AP3D1: variants seen among roughly 807,000 people sequenced by gnomAD.
The protein encoded by AP3D1 is AP-3 complex subunit delta-1.
A neutral mutation model predicts 147.6 loss-of-function variants in AP3D1; 51 were observed. The observed-to-expected ratio is 0.35, with a 90% CI of 0.28 to 0.44. The LOEUF (loss-of-function observed/expected upper bound fraction) is 0.44. Among genes scored for constraint, AP3D1 ranks in the 20% least tolerant of loss-of-function variants. AP3D1 has a pLI of 1.00. For synonymous variants in AP3D1, 760 were observed against 663.0 expected, an observed-to-expected ratio of 1.15 and a Z score of -2.25; for missense variants, 1,421 against 1,624.2, an observed-to-expected ratio of 0.87 and a Z score of 2.15.
chr19:2,131,364 C>A (rs2007874), intron 5 of AP3D1, among the ~76,000 whole-genome samples: 3 of 134,526 alleles, frequency 2.2e-5, no homozygotes, highest in Admixed American at 1.5e-4. Context: ...CCATCGGCCA[C>A]GATCTAGACA....
chr19:2,151,117 C>A, intron 1 of AP3D1, 122 bp downstream of exon 1: 3 of 906,470 alleles, frequency 3.3e-6, no homozygotes, highest in South Asian at 3.6e-5. Flanking sequence ...GAGCCCTAAG[C>A]GGGACCTCCA....
At chr19:2,126,843 G>C (rs1470479195) in intron 9 of AP3D1, among the ~76,000 whole-genome samples, 1 of 152,118 alleles carries the variant, frequency 6.6e-6, no homozygotes, top group African/African-American at 2.4e-5. Flanking sequence ...CAGGTATGAG[G>C]AGGGGCTTTA....
At position 2,120,921 on chromosome 19, in the gene AP3D1, C is replaced by A. The variant is rs372300803; in HGVS notation, c.1422G>T (p.Gln474His). 6.2e-6 allele frequency: 10 copies of A among 1,611,576 alleles called. No homozygotes were observed. In the East Asian group the frequency reaches 8.9e-5, roughly 14 times the overall value. The stretch of plus-strand genomic sequence containing the variant: ...ACAGCACCTCACAGATCCCGTTCCG[C>A]TGGGTGCTGCTGGCCAGCAGGTGTG... ...DSAHLLASSTQRNGICEVLYA... is the reference protein window; with the variant it reads ...DSAHLLASSTHRNGICEVLYA... The change falls in exon 14 of 32, where the codon CAG becomes CAT. Residue 474 changes from glutamine to histidine, a missense_variant. Gln to His is a conservative substitution (Grantham distance 24). This residue lies in a region of AP3D1 where 310 missense variants were observed against 388.1 expected (regional missense o/e 0.80). Transcript: ENST00000643116.
At chr19:2,160,815 G>A (rs998815444) in intron 1 of AP3D1, among the ~76,000 whole-genome samples, 5 of 152,144 alleles carry the variant, frequency 3.3e-5, no homozygotes, top group Admixed American at 3.3e-4. Context: ...TCTGGGGTGG[G>A]CTATCCTGGG....
At chr19:2,148,804 G>A (rs898806349) in intron 1 of AP3D1, among the ~76,000 whole-genome samples, 12 of 152,198 alleles carry the variant, frequency 7.9e-5, no homozygotes, top group Non-Finnish European at 1.5e-5. Context: ...TCATTGCTAA[G>A]CCTTGTTTCC....
At chr19:2,144,807 G>A (rs931183496) in intron 1 of AP3D1, among the ~76,000 whole-genome samples, 1 of 152,138 alleles carries the variant, frequency 6.6e-6, no homozygotes, top group Non-Finnish European at 1.5e-5. Flanking sequence ...GGAGGCTGAG[G>A]CAGGAGAATT....
At chr19:2,134,625 G>A (rs1402277683) in intron 4 of AP3D1, among the ~76,000 whole-genome samples, 5 of 148,766 alleles carry the variant, frequency 3.4e-5, no homozygotes, top group East Asian at 2.0e-4. Context: ...TTTTTGAGAC[G>A]GAGTCTCGCT....
chr19:2,150,797 C>T (rs1264770130), intron 1 of AP3D1, among the ~76,000 whole-genome samples: 2 of 151,892 alleles, frequency 1.3e-5, no homozygotes, highest in Non-Finnish European at 2.9e-5. Context: ...CATTTTTAAT[C>T]GGTGATTCGG....
Position 2,111,779 on chromosome 19 carries a change from C to T in AP3D1, c.2837G>A (p.Arg946Gln), listed in dbSNP as rs762951857. ...KKKHRKEKEE[R>Q]TKGKKKSKKQ... ...CTTGGACTTCTTCTTGCCTTTGGTC[C>T]GCTCCTCCTTCTCCTTCCTGTGCTT... Residue 946 changes from arginine (R) to glutamine (Q), a missense_variant, in exon 25 of 32, where the codon CGG becomes CAG. Around this residue, in one of 6 missense-constraint regions of AP3D1, gnomAD observed 791 missense variants for 761.4 expected, o/e 1.04. Coordinates refer to ENST00000643116, the MANE Select transcript of AP3D1 (RefSeq NM_001261826.3). 1.2e-5 allele frequency: 20 copies of T among 1,613,378 alleles called. No individual in the cohort carries two copies. Among genetic ancestry groups the T allele is most frequent in the Middle Eastern group, 1.6e-4 (1 of 6,082 alleles).
intron 31 of AP3D1, among the ~76,000 whole-genome samples, chr19:2,104,156 TCAGACTCCAACACC>T (rs72018205): frequency 0.17 from 14,572 of 87,868 alleles, 824 homozygotes; most frequent in Middle Eastern, 0.27. Context: ...ACACCAACAC[TCAGACTCCAACACC>T]GAGACACCAA....
chr19:2,159,482 G>A (rs534028582), intron 1 of AP3D1, among the ~76,000 whole-genome samples: 7 of 148,474 alleles, frequency 4.7e-5, no homozygotes, highest in Non-Finnish European at 7.4e-5. Context: ...TCCGCCTCCC[G>A]GGTTCAAGCG....
At chr19:2,153,384 T>TG (rs754227212), upstream of AP3D1, among the ~76,000 whole-genome samples, 25,983 of 88,190 alleles carry the variant, frequency 0.29, 2,429 homozygotes, top group Non-Finnish European at 0.37. Context: ...AAAAAAGAAG[T>TG]GGGGGGGGGG....
chr19:2,108,924 C>A, intron 30 of AP3D1, 158 bp from the exon 31 acceptor site: 1 of 1,314,330 alleles, frequency 7.6e-7, no homozygotes, highest in Non-Finnish European at 1.0e-6. Context: ...GTGGGGAATG[C>A]AGCCCCCGCA....
At chr19:2,137,847 A>G in intron 2 of AP3D1, 40 bp from the exon 3 acceptor site, 2 of 1,599,210 alleles carry the variant, frequency 1.3e-6, no homozygotes, top group Non-Finnish European at 1.7e-6. Context: ...CACAAGCCAA[A>G]GCAGAGAGAA....
At chr19:2,145,793 T>A (rs1004277662) in intron 1 of AP3D1, among the ~76,000 whole-genome samples, 13 of 152,044 alleles carry the variant, frequency 8.6e-5, no homozygotes, top group African/African-American at 2.7e-4. Flanking sequence ...GCCCAGAGAT[T>A]GCCTTTTGAA....
chr19:2,147,881 C>CT (rs1466174887), intron 1 of AP3D1, among the ~76,000 whole-genome samples: 3 of 136,120 alleles, frequency 2.2e-5, no homozygotes, highest in Non-Finnish European at 4.7e-5. Flanking sequence ...GAGACTTAGT[C>CT]TCAAAAAAAA....
intron 11 of AP3D1, among the ~76,000 whole-genome samples, chr19:2,122,632 A>G (rs910801855): frequency 2.6e-5 from 4 of 152,246 alleles, no homozygotes; most frequent in Non-Finnish European, 4.4e-5. Context: ...AACAACTAAT[A>G]GTAACTAAGA....
Position 2,107,302 on chromosome 19 carries a change from CCT to C in AP3D1, c.3552+1383_3552+1384del, listed in dbSNP as rs529064042. Among the ~76,000 whole-genome samples, 6 of 151,024 alleles carry C rather than the reference CCT, an allele frequency of 4.0e-5. No individual in the cohort carries two copies. In the South Asian group the frequency reaches 1.3e-3, roughly 32 times the overall value. ...GCAAGGGTATCAAAACCACAACAGACCTCTAGGAACGGAATGCTGAGTAGTGA... is the reference window on the plus strand; with the variant it reads ...GCAAGGGTATCAAAACCACAACAGACCTAGGAACGGAATGCTGAGTAGTGA... On this transcript the variant is annotated intron_variant, in intron 31 of 31. Transcript: ENST00000643116.
At chr19:2,129,223 A>G (rs957008595) in intron 7 of AP3D1, 60 bp from the exon 8 acceptor site, 80 of 1,605,140 alleles carry the variant, frequency 5.0e-5, no homozygotes, top group African/African-American at 2.4e-4. Context: ...GGTGAGGGAC[A>G]GGGGGGGCCT....
Sources: allele counts gnomAD v4.1 joint callset (sites outside exome capture counted in the v4.1 genomes callset), GRCh38; gene constraint gnomAD v4.1.1; regional missense constraint gnomAD v4.1.1; transcripts MANE v1.5; gene names NCBI Gene and HGNC (gene_info 2026-07-23, HGNC 2026-07-21).